The following SLC9B1 variants were observed in gnomAD, a reference collection of about 807,000 sequenced individuals.
SLC9B1 encodes sodium/hydrogen exchanger 9B1.
A neutral mutation model predicts 51.7 loss-of-function variants in SLC9B1; 32 were observed. The ratio of observed to expected loss-of-function variants is 0.62; its 90% confidence interval spans 0.47 to 0.83. The LOEUF is 0.83. Ranked by LOEUF, SLC9B1 falls within the 40% of genes least tolerant of loss-of-function variation. The pLI is 0.00. For missense variants in SLC9B1, 406 were observed against 613.2 expected, an observed-to-expected ratio of 0.66 and a Z score of 3.57; for synonymous variants, 145 against 212.7, an observed-to-expected ratio of 0.68 and a Z score of 2.77.
At chr4:102,887,376 T>C (rs1243632215) in intron 11 of SLC9B1, 14 of 1,243,312 alleles carry the variant, frequency 1.1e-5, no homozygotes, top group Admixed American at 5.1e-5. Flanking sequence ...ATAAACACAA[T>C]GAATTGACAG....
intron 1 of SLC9B1, among the ~76,000 whole-genome samples, chr4:103,001,917 G>A (rs1740544036): frequency 6.6e-6 from 1 of 152,230 alleles, no homozygotes; most frequent in African/African-American, 2.4e-5. Context: ...GCATGGCTTA[G>A]GAGGCCACAG....
intron 7 of SLC9B1, among the ~76,000 whole-genome samples, chr4:102,923,048 A>G (rs1276506882): frequency 6.6e-6 from 1 of 152,196 alleles, no homozygotes; most frequent in Non-Finnish European, 1.5e-5. Context: ...ATCCTCCCTA[A>G]TTCATTTTAT....
chr4:102,912,596 C>G (rs1380921595), intron 7 of SLC9B1, among the ~76,000 whole-genome samples: 1 of 152,034 alleles, frequency 6.6e-6, no homozygotes, highest in Admixed American at 6.6e-5. Flanking sequence ...CTAAATATAA[C>G]AGGCAGGGCA....
chr4:102,888,799 G>T (rs1456382934), intron 11 of SLC9B1: 1 of 152,200 alleles, frequency 6.6e-6, no homozygotes, highest in Non-Finnish European at 1.5e-5. Context: ...AATCCTTTCT[G>T]TTGTAAAAGA....
chr4:102,916,769 T>C (rs1735596406), intron 7 of SLC9B1, among the ~76,000 whole-genome samples: 2 of 152,210 alleles, frequency 1.3e-5, no homozygotes, highest in South Asian at 4.1e-4. Flanking sequence ...TAGAAATTCA[T>C]AGCAGAAGGA....
rs141019210 is a variant in SLC9B1 at position 102,989,925 on chromosome 4, T to C, written c.86A>G (p.Asn29Ser). ...STTPQSLIDP[N>S]NTAQEETKTV... The stretch of plus-strand genomic sequence containing the variant: ...TTTAGTTTCTTCCTGTGCAGTATTA[T>C]TAGGATCAATGAGACTCTGTAGTAA... Residue 29 changes from asparagine (N) to serine (S), a missense_variant, in exon 3 of 12, where the codon AAT becomes AGT. Physicochemically the swap from Asn to Ser is conservative, Grantham distance 46. Coordinates refer to ENST00000296422, the MANE Select transcript of SLC9B1 (RefSeq NM_139173.4). 13 of 1,583,180 alleles carry C rather than the reference T, an allele frequency of 8.2e-6. No homozygotes were observed. In the African/African-American group the frequency reaches 1.8e-4, roughly 21 times the overall value.
chr4:103,008,738 A>G (rs1381176847), intron 1 of SLC9B1, among the ~76,000 whole-genome samples: 1 of 151,534 alleles, frequency 6.6e-6, no homozygotes. Context: ...CTCGATTCCA[A>G]ACCTATAAAG....
At chr4:102,983,506 C>T (rs1005570681) in intron 3 of SLC9B1, among the ~76,000 whole-genome samples, 11 of 152,114 alleles carry the variant, frequency 7.2e-5, no homozygotes, top group Non-Finnish European at 1.6e-4. Context: ...ATCAGCGAAT[C>T]CACCTGGGCC....
intron 11 of SLC9B1, chr4:102,888,076 G>T (rs371588195): frequency 6.6e-6 from 1 of 151,546 alleles, no homozygotes; most frequent in African/African-American, 2.4e-5. Context: ...GTGTGTGTGT[G>T]TGTGTGTATT....
intron 3 of SLC9B1, among the ~76,000 whole-genome samples, chr4:102,970,692 C>T (rs1468467656): frequency 1.3e-5 from 2 of 152,144 alleles, no homozygotes; most frequent in Admixed American, 6.5e-5. Flanking sequence ...CACAGACTGG[C>T]AAACTGGATA....
At chr4:102,990,056 TCA>T (rs1553911064) in intron 2 of SLC9B1, 115 bp from the exon 3 acceptor site, 1 of 834,638 alleles carries the variant, frequency 1.2e-6, no homozygotes, top group Non-Finnish European at 1.8e-6. Flanking sequence ...ATGCGAGGAA[TCA>T]CAGATACAAA....
chr4:102,904,467 A>C (rs936010156), intron 11 of SLC9B1, among the ~76,000 whole-genome samples: 1 of 97,916 alleles, frequency 1.0e-5, no homozygotes, highest in African/African-American at 6.3e-5. Flanking sequence ...GGAAAATAAA[A>C]AACATTTTCA....
chr4:102,934,570 G>A (rs1036197977), intron 6 of SLC9B1, among the ~76,000 whole-genome samples: 5 of 151,932 alleles, frequency 3.3e-5, no homozygotes, highest in Non-Finnish European at 4.4e-5. Flanking sequence ...AGGCTGAGGC[G>A]GACAGATCAG....
At chr4:102,890,046 A>G (rs890234405) in intron 11 of SLC9B1, 3 of 152,214 alleles carry the variant, frequency 2.0e-5, no homozygotes, top group African/African-American at 7.2e-5. Context: ...TGCCTTACTC[A>G]GCAAATGAAC....
rs973702982 is a variant in SLC9B1 at position 102,955,971 on chromosome 4, T to A, written c.212-6544A>T. On this transcript the variant is annotated intron_variant, in intron 3 of 11. Transcript: ENST00000296422. ...GTTCCAATTCTCTCACTGAGAAGAG[T>A]GGCTCACGGTGCCTAAACTGTTTAT... Among the ~76,000 whole-genome samples the A allele has an allele frequency of 2.3e-4, 35 of 151,944 alleles. 1 individual carries two copies. The highest frequency in any genetic ancestry group is 2.2e-3 in the Admixed American group (34 of 15,252).
At chr4:102,898,181 C>T (rs1734624453), downstream of SLC9B1, 1 of 519,422 alleles carries the variant, frequency 1.9e-6, no homozygotes, top group African/African-American at 1.9e-5. Flanking sequence ...CACAAGACCA[C>T]CAAGCTAAAG....
chr4:102,919,877 C>T (rs1429259065), intron 7 of SLC9B1, among the ~76,000 whole-genome samples: 2 of 152,206 alleles, frequency 1.3e-5, no homozygotes, highest in African/African-American at 2.4e-5. Context: ...ATTGCTGAGG[C>T]TTAAGTAGGT....
At chr4:102,963,362 C>T (rs1578384686) in intron 3 of SLC9B1, 1 of 222,974 alleles carries the variant, frequency 4.5e-6, no homozygotes, top group Non-Finnish European at 9.0e-6. Flanking sequence ...TTAATAGTGT[C>T]ATGTTGGGGA....
At chr4:102,919,045 A>C (rs1283907859) in intron 7 of SLC9B1, among the ~76,000 whole-genome samples, 3 of 152,244 alleles carry the variant, frequency 2.0e-5, no homozygotes, top group Admixed American at 2.0e-4. Flanking sequence ...AAGACTGCAC[A>C]GAGCAGCAAA....
Sources: gnomAD v4.1 joint callset for allele counts (sites outside exome capture counted in the v4.1 genomes callset) on GRCh38, gnomAD v4.1.1 for gene constraint, MANE v1.5 for transcripts, NCBI Gene and HGNC (gene_info 2026-07-23, HGNC 2026-07-21) for gene names.